The following DCAF8L2 variants were observed in gnomAD, a reference collection of about 807,000 sequenced individuals.
DCAF8L2 encodes the protein DDB1 and CUL4 associated factor 8 like 2.
For synonymous variants in DCAF8L2, 200 were observed against 190.9 expected (o/e 1.05, Z -0.39); for missense variants, 430 against 490.7 (o/e 0.88, Z 1.17).
chrX:27,502,730 A>T, the DCAF8L2 span, among the ~76,000 whole-genome samples: 2 of 110,987 alleles, frequency 1.8e-5, no homozygotes, highest in African/African-American at 6.5e-5. Context: ...AATGTTCTCA[A>T]ACAATACAGA....
At chrX:27,613,552 A>G (rs1294093395) in intron 1 of DCAF8L2, among the ~76,000 whole-genome samples, 2 of 111,307 alleles carry the variant, frequency 1.8e-5, no homozygotes, top group African/African-American at 3.3e-5. Flanking sequence ...GAATGCTTCC[A>G]GTTTTTGCCC....
chrX:27,487,924 T>C, the DCAF8L2 span, among the ~76,000 whole-genome samples: 2 of 112,054 alleles, frequency 1.8e-5, no homozygotes, highest in Non-Finnish European at 3.8e-5. Context: ...TTTCCAACTC[T>C]AGTGATTTGC....
intron 2 of DCAF8L2, among the ~76,000 whole-genome samples, chrX:27,667,721 TTAAAAA>T (rs900660905): frequency 2.7e-5 from 3 of 111,547 alleles, no homozygotes; most frequent in African/African-American, 9.9e-5. Flanking sequence ...ATCAGGATAC[TTAAAAA>T]TAGAAAGCAA....
the DCAF8L2 span, among the ~76,000 whole-genome samples, chrX:27,481,153 G>C: frequency 9.0e-6 from 1 of 110,689 alleles, no homozygotes; most frequent in East Asian, 2.8e-4. Flanking sequence ...CAAGGCGGGC[G>C]GATCACCTGA....
chrX:27,668,936 CAAA>C (rs1188410615), intron 2 of DCAF8L2, among the ~76,000 whole-genome samples: 1 of 79,984 alleles, frequency 1.3e-5, no homozygotes, highest in Admixed American at 1.5e-4. Flanking sequence ...GACTCTGTCT[CAAA>C]AAAAAAAAAA....
chrX:27,477,578 C>T, the DCAF8L2 span, among the ~76,000 whole-genome samples: 239 of 112,054 alleles, frequency 2.1e-3, no homozygotes, highest in Non-Finnish European at 2.9e-3. Flanking sequence ...TGAGCCACTG[C>T]GCCCGGCCTC....
At chrX:27,624,851 C>A (rs1329807400) in intron 1 of DCAF8L2, among the ~76,000 whole-genome samples, 1 of 111,378 alleles carries the variant, frequency 9.0e-6, no homozygotes, top group Non-Finnish European at 1.9e-5. Context: ...ACAAAAAACT[C>A]AAGATGGATT....
At chrX:27,525,842 T>C in the DCAF8L2 span, among the ~76,000 whole-genome samples, 8 of 112,108 alleles carry the variant, frequency 7.1e-5, no homozygotes, top group Admixed American at 1.9e-4. Context: ...TTTAAGAATG[T>C]TGAATATTGG....
chrX:27,690,728 C>G (rs1163742791), intron 3 of DCAF8L2, among the ~76,000 whole-genome samples: 1 of 111,579 alleles, frequency 9.0e-6, no homozygotes, highest in African/African-American at 3.3e-5. Context: ...TTCTACCGTG[C>G]CCTTCACTGG....
At chrX:27,501,309 C>T in the DCAF8L2 span, among the ~76,000 whole-genome samples, 1 of 103,964 alleles carries the variant, frequency 9.6e-6, no homozygotes, top group Non-Finnish European at 2.0e-5. Flanking sequence ...GTGTGTGTTG[C>T]TTAAGGAGAT....
chrX:27,728,684 A>G (rs762813216), intron 4 of DCAF8L2, among the ~76,000 whole-genome samples: 3 of 111,727 alleles, frequency 2.7e-5, no homozygotes, highest in Non-Finnish European at 5.6e-5. Flanking sequence ...TGCGTGGACT[A>G]TTAGATATAG....
chrX:27,560,583 A>G, the DCAF8L2 span, among the ~76,000 whole-genome samples: 18 of 111,823 alleles, frequency 1.6e-4, no homozygotes, highest in African/African-American at 4.9e-4. Context: ...TTCATGCTCT[A>G]TCCCGGATGC....
chrX:27,694,237 G>A (rs1270805757), intron 3 of DCAF8L2, among the ~76,000 whole-genome samples: 1 of 110,904 alleles, frequency 9.0e-6, no homozygotes, highest in Non-Finnish European at 1.9e-5. Flanking sequence ...GGAGGAAAGG[G>A]CTGAAAAACC....
At chrX:27,636,011 C>A (rs1419745530) in intron 2 of DCAF8L2, among the ~76,000 whole-genome samples, 1 of 110,841 alleles carries the variant, frequency 9.0e-6, no homozygotes, top group Non-Finnish European at 1.9e-5. Context: ...CAGGGTTTCA[C>A]CATGTTAGCC....
At chrX:27,521,306 G>T in the DCAF8L2 span, among the ~76,000 whole-genome samples, 2 of 112,032 alleles carry the variant, frequency 1.8e-5, no homozygotes, top group Non-Finnish European at 3.8e-5. Context: ...ACTGTATAAA[G>T]AAAAACTCTT....
At chrX:27,632,420 C>T (rs1374889933) in intron 2 of DCAF8L2, 1 of 111,104 alleles carries the variant, frequency 9.0e-6, no homozygotes, top group Non-Finnish European at 1.9e-5. Flanking sequence ...CAGAACAGGT[C>T]AAGGTTTACC....
chrX:27,591,112 G>T (rs113603453), intron 1 of DCAF8L2, among the ~76,000 whole-genome samples: 8,190 of 105,973 alleles, frequency 0.077, 311 homozygotes, highest in Non-Finnish European at 0.11. Context: ...AATGCTGGGG[G>T]TTTTTCTTCA....
chrX:27,713,773 G>A (rs1186745922), intron 3 of DCAF8L2, among the ~76,000 whole-genome samples: 1 of 111,216 alleles, frequency 9.0e-6, no homozygotes, highest in Non-Finnish European at 1.9e-5. Flanking sequence ...AAATTAATGG[G>A]CATGGCTGTG....
chrX:27,533,216 A>AAGAT, the DCAF8L2 span, among the ~76,000 whole-genome samples: 1 of 49,497 alleles, frequency 2.0e-5, no homozygotes, highest in Non-Finnish European at 4.7e-5. Context: ...GAAAGAAAGA[A>AAGAT]AGAAAGAAAG....
Sources: gnomAD v4.1 joint callset for allele counts (sites outside exome capture counted in the v4.1 genomes callset) on GRCh38, gnomAD v4.1.1 for gene constraint, MANE v1.5 for transcripts, NCBI Gene and HGNC (gene_info 2026-07-23, HGNC 2026-07-21) for gene names.